The following LRRC37A2 variants were observed in gnomAD, a reference collection of about 807,000 sequenced individuals.
LRRC37A2 encodes the protein leucine-rich repeat-containing protein 37A2.
In LRRC37A2, 9 loss-of-function variants were observed where a neutral mutation model predicts 68.8. The ratio of observed to expected loss-of-function variants is 0.13; its 90% CI spans 0.08 to 0.23. The LOEUF is 0.23. Ranked by LOEUF, LRRC37A2 falls within the 10% of genes least tolerant of loss-of-function variation. LRRC37A2 has a pLI of 1.00. For missense variants in LRRC37A2, 168 were observed against 950.4 expected, an observed-to-expected ratio of 0.18 and a Z score of 10.82; for synonymous variants, 63 against 367.6, an observed-to-expected ratio of 0.17 and a Z score of 9.48.
At chr17:46,851,232 T>C in the LRRC37A2 span, among the ~76,000 whole-genome samples, 16 of 152,060 alleles carry the variant, frequency 1.1e-4, no homozygotes, top group Non-Finnish European at 1.9e-4. This position sits in a 1 kb window ranked among gnomAD's most constrained non-coding sequence, Gnocchi z 4.3. Context: ...GAGAAGCCAT[T>C]GCGCTTGCCT....
the LRRC37A2 span, among the ~76,000 whole-genome samples, chr17:46,717,736 G>A: frequency 1.3e-5 from 2 of 152,090 alleles, no homozygotes; most frequent in Admixed American, 1.3e-4. Flanking sequence ...ATAATGTGTC[G>A]TTCGGGGAGT....
the LRRC37A2 span, among the ~76,000 whole-genome samples, chr17:46,874,390 C>T: frequency 3.9e-5 from 6 of 152,126 alleles, no homozygotes; most frequent in East Asian, 1.9e-4. Context: ...GGTCATACAC[C>T]GACCTGGAGT....
At chr17:46,918,795 C>T in the LRRC37A2 span, among the ~76,000 whole-genome samples, 1 of 152,136 alleles carries the variant, frequency 6.6e-6, no homozygotes, top group Admixed American at 6.5e-5. Context: ...TGGCCTTGTC[C>T]TTTGTCTTTT....
chr17:46,558,094 T>G (rs546806370), downstream of LRRC37A2, among the ~76,000 whole-genome samples: 5 of 134,952 alleles, frequency 3.7e-5, no homozygotes, highest in East Asian at 1.2e-3. Flanking sequence ...AGTTTTGCTC[T>G]TGTTGCTCAG....
the LRRC37A2 span, among the ~76,000 whole-genome samples, chr17:46,899,331 C>T: frequency 1.3e-5 from 2 of 151,800 alleles, no homozygotes; most frequent in African/African-American, 4.9e-5. Flanking sequence ...TTGAGCCCAG[C>T]GGGGCAGAGG....
intron 8 of LRRC37A2, among the ~76,000 whole-genome samples, chr17:46,543,412 T>C (rs1010740490): frequency 6.6e-6 from 1 of 151,026 alleles, no homozygotes; most frequent in African/African-American, 2.5e-5. Flanking sequence ...AAGAATCATG[T>C]ACTAAGTGTA....
the LRRC37A2 span, among the ~76,000 whole-genome samples, chr17:46,605,423 G>C: frequency 6.8e-6 from 1 of 146,632 alleles, no homozygotes; most frequent in African/African-American, 2.5e-5. Context: ...ATGCCAGCCT[G>C]GGCAACAAGA....
the LRRC37A2 span, among the ~76,000 whole-genome samples, chr17:46,870,286 C>G: frequency 1.3e-5 from 2 of 152,180 alleles, no homozygotes; most frequent in African/African-American, 4.8e-5. Flanking sequence ...GTAGCTGCAG[C>G]CCCCAAGCTG....
chr17:46,939,315 T>C, the LRRC37A2 span: 1 of 1,012,342 alleles, frequency 9.9e-7, no homozygotes, highest in Non-Finnish European at 1.2e-6. Flanking sequence ...TTGTCACCAT[T>C]CCCTGGAAGC....
chr17:46,901,881 A>G, the LRRC37A2 span, among the ~76,000 whole-genome samples: 31 of 144,528 alleles, frequency 2.1e-4, no homozygotes, highest in African/African-American at 7.8e-4. Flanking sequence ...ATCTCGGCTC[A>G]CTGCAACCTC....
the LRRC37A2 span, among the ~76,000 whole-genome samples, chr17:47,008,111 AT>A: frequency 0.06 from 8,456 of 142,102 alleles, 287 homozygotes; most frequent in African/African-American, 0.13. Context: ...AATTTAATTA[AT>A]TTTTTTTTTT....
At chr17:46,923,133 G>A in the LRRC37A2 span, 9 of 1,160,424 alleles carry the variant, frequency 7.8e-6, no homozygotes, top group Non-Finnish European at 2.5e-6. Flanking sequence ...CGGAAGGGGG[G>A]CTGTGAGGAC....
chr17:46,388,945 G>A, the LRRC37A2 span, among the ~76,000 whole-genome samples: 2 of 74,244 alleles, frequency 2.7e-5, no homozygotes, highest in African/African-American at 5.8e-5. Flanking sequence ...CCTGTAATCC[G>A]AGCACTTTGA....
At chr17:46,768,294 T>G in the LRRC37A2 span, 1 of 1,612,850 alleles carries the variant, frequency 6.2e-7, no homozygotes, top group Non-Finnish European at 8.5e-7. The surrounding 1 kb of genome is among the most constrained non-coding windows in gnomAD (Gnocchi z 5.0). Flanking sequence ...GCCTCCCCCC[T>G]GCTTCCCGGA....
At chr17:47,004,489 C>T in the LRRC37A2 span, among the ~76,000 whole-genome samples, 2 of 152,214 alleles carry the variant, frequency 1.3e-5, no homozygotes, top group Non-Finnish European at 2.9e-5. Flanking sequence ...CCACTGGGGG[C>T]CTCCCTCAGG....
chr17:46,869,929 G>A, the LRRC37A2 span, among the ~76,000 whole-genome samples: 1 of 152,002 alleles, frequency 6.6e-6, no homozygotes, highest in Non-Finnish European at 1.5e-5. Flanking sequence ...AACCCGGGAA[G>A]TGGAGGTTAC....
the LRRC37A2 span, among the ~76,000 whole-genome samples, chr17:46,752,198 AG>A: frequency 6.6e-6 from 1 of 152,214 alleles, no homozygotes; most frequent in African/African-American, 2.4e-5. Context: ...ACTGAGCCCC[AG>A]GGTGCTGCCT....
At chr17:46,759,711 A>G in the LRRC37A2 span, among the ~76,000 whole-genome samples, 10 of 152,092 alleles carry the variant, frequency 6.6e-5, no homozygotes, top group African/African-American at 1.9e-4. Flanking sequence ...TGTCGCCATC[A>G]TGTTTCCTTG....
the LRRC37A2 span, among the ~76,000 whole-genome samples, chr17:46,882,577 A>G: frequency 6.6e-6 from 1 of 152,064 alleles, no homozygotes; most frequent in Non-Finnish European, 1.5e-5. Context: ...CTGGGATTAC[A>G]GGCTCACCCA....
Sources: allele counts gnomAD v4.1 joint callset (sites outside exome capture counted in the v4.1 genomes callset), GRCh38; gene constraint gnomAD v4.1.1; non-coding constraint Gnocchi (gnomAD v3.1); transcripts MANE v1.5; gene names NCBI Gene and HGNC (gene_info 2026-07-23, HGNC 2026-07-21).